SORCS1: variants seen among roughly 807,000 people sequenced by gnomAD.
SORCS1 encodes the protein VPS10 domain-containing receptor SorCS1.
Under a neutral mutation model 146.1 loss-of-function variants are expected in SORCS1, and 60 were observed. The ratio of observed to expected loss-of-function variants is 0.41; its 90% CI spans 0.33 to 0.51. The LOEUF is 0.51. Among genes scored for constraint, SORCS1 ranks in the 20% least tolerant of loss-of-function variants. SORCS1 has a pLI of 0.21. For synonymous variants in SORCS1, 637 were observed against 584.0 expected (o/e 1.09, Z -1.31); for missense variants, 1,352 against 1,487.6 (o/e 0.91, Z 1.50).
intron 1 of SORCS1, among the ~76,000 whole-genome samples, chr10:107,010,359 G>T (rs1345367757): frequency 6.6e-6 from 1 of 152,106 alleles, no homozygotes; most frequent in Non-Finnish European, 1.5e-5. Context: ...GAATATGAAA[G>T]AAAATCCCAG....
chr10:106,630,444 C>T (rs1377040030), intron 18 of SORCS1, among the ~76,000 whole-genome samples: 4 of 152,044 alleles, frequency 2.6e-5, no homozygotes, highest in East Asian at 3.9e-4. Flanking sequence ...TAGTAAGTGG[C>T]GGTCCTGGTA....
intron 1 of SORCS1, among the ~76,000 whole-genome samples, chr10:107,155,164 C>T (rs1312062663): frequency 1.3e-5 from 2 of 152,190 alleles, no homozygotes; most frequent in Non-Finnish European, 1.5e-5. Flanking sequence ...TAGAGCCTTA[C>T]ATTCCAATAG....
chr10:106,819,094 T>C (rs1947885757), intron 3 of SORCS1, among the ~76,000 whole-genome samples: 1 of 152,230 alleles, frequency 6.6e-6, no homozygotes, highest in Non-Finnish European at 1.5e-5. Context: ...GCATAAGGCA[T>C]GGCCATATAA....
At chr10:106,784,001 T>C (rs1861091465) in intron 3 of SORCS1, among the ~76,000 whole-genome samples, 1 of 152,136 alleles carries the variant, frequency 6.6e-6, no homozygotes, top group Admixed American at 6.6e-5. Context: ...AAAAACAGAC[T>C]CATTTTACTG....
chr10:106,791,897 C>T (rs1274117704), intron 3 of SORCS1, among the ~76,000 whole-genome samples: 1 of 152,148 alleles, frequency 6.6e-6, no homozygotes, highest in Admixed American at 6.5e-5. Flanking sequence ...TTCCTAATGA[C>T]AGTGAATTTT....
intron 1 of SORCS1, among the ~76,000 whole-genome samples, chr10:107,025,784 G>T (rs924222843): frequency 6.6e-6 from 1 of 152,170 alleles, no homozygotes; most frequent in Non-Finnish European, 1.5e-5. Context: ...AGGAACCACG[G>T]GAGTCTTTTA....
chr10:107,061,255 T>C (rs1305925989), intron 1 of SORCS1, among the ~76,000 whole-genome samples: 1 of 152,128 alleles, frequency 6.6e-6, no homozygotes, highest in Non-Finnish European at 1.5e-5. Context: ...AAAACATCCA[T>C]AATGAATACT....
chr10:106,604,025 A>C (rs1196961242), intron 23 of SORCS1, among the ~76,000 whole-genome samples: 2 of 152,198 alleles, frequency 1.3e-5, no homozygotes, highest in African/African-American at 4.8e-5. Context: ...TGGTGCAATC[A>C]GGTGAGAGGT....
intron 2 of SORCS1, among the ~76,000 whole-genome samples, chr10:106,874,038 A>G (rs1589605214): frequency 6.6e-6 from 1 of 152,116 alleles, no homozygotes; most frequent in East Asian, 1.9e-4. Flanking sequence ...CTACTAATCA[A>G]CCTGATTGTG....
intron 1 of SORCS1, among the ~76,000 whole-genome samples, chr10:107,027,722 G>T (rs1277450496): frequency 1.3e-5 from 2 of 152,184 alleles, no homozygotes; most frequent in African/African-American, 4.8e-5. Context: ...TGCAGGGAAA[G>T]ATACCCTTTC....
intron 1 of SORCS1, among the ~76,000 whole-genome samples, chr10:107,098,786 T>C (rs113240689): frequency 1.3e-3 from 192 of 152,352 alleles, no homozygotes; most frequent in African/African-American, 4.3e-3. Context: ...ACTTCTCCCA[T>C]GTGGCTCTCA....
At chr10:106,992,969 T>C (rs1482551337) in intron 1 of SORCS1, among the ~76,000 whole-genome samples, 3 of 151,680 alleles carry the variant, frequency 2.0e-5, no homozygotes, top group East Asian at 3.9e-4. Flanking sequence ...GTAGCTGGGA[T>C]TACAGGCATG....
intron 2 of SORCS1, among the ~76,000 whole-genome samples, chr10:106,833,170 C>T (rs904362319): frequency 2.2e-4 from 34 of 152,102 alleles, no homozygotes; most frequent in South Asian, 2.1e-4. Context: ...ATTCATCCAC[C>T]AATCCAGATC....
intron 8 of SORCS1, among the ~76,000 whole-genome samples, chr10:106,699,776 G>C (rs551217668): frequency 6.6e-6 from 1 of 152,122 alleles, no homozygotes; most frequent in Non-Finnish European, 1.5e-5. Flanking sequence ...AGGAAAAGCT[G>C]GAGGAACAGA....
chr10:106,716,755 C>T (rs750322319), intron 6 of SORCS1, among the ~76,000 whole-genome samples: 3 of 152,186 alleles, frequency 2.0e-5, no homozygotes, highest in Non-Finnish European at 4.4e-5. Flanking sequence ...AGCAGCAGCA[C>T]TAACCTCCAA....
intron 1 of SORCS1, among the ~76,000 whole-genome samples, chr10:106,962,334 G>A (rs1002535361): frequency 1.4e-5 from 2 of 143,584 alleles, no homozygotes; most frequent in African/African-American, 5.1e-5. Flanking sequence ...GGTAGAGGTT[G>A]TGGTGAGCCA....
At chr10:107,063,580 T>C (rs142452880) in intron 1 of SORCS1, among the ~76,000 whole-genome samples, 131 of 152,312 alleles carry the variant, frequency 8.6e-4, no homozygotes, top group Non-Finnish European at 1.6e-3. Flanking sequence ...TTTTGATAAT[T>C]TGAAAGGCAA....
chr10:107,102,860 T>A (rs1965025033), intron 1 of SORCS1, among the ~76,000 whole-genome samples: 1 of 152,170 alleles, frequency 6.6e-6, no homozygotes, highest in Admixed American at 6.5e-5. Context: ...TGTCCTACAA[T>A]CCCTGTCCAC....
chr10:106,672,768 G>T, intron 15 of SORCS1, 100 bp downstream of exon 15: 2 of 873,998 alleles, frequency 2.3e-6, no homozygotes, highest in Non-Finnish European at 3.7e-6. Flanking sequence ...TGGACATTTT[G>T]GCCTAGAGCA....
Sources: allele counts gnomAD v4.1 joint callset (sites outside exome capture counted in the v4.1 genomes callset), GRCh38; gene constraint gnomAD v4.1.1; transcripts MANE v1.5; gene names NCBI Gene and HGNC (gene_info 2026-07-23, HGNC 2026-07-21).